COMP: variants seen among roughly 807,000 people sequenced by gnomAD.
COMP encodes the protein cartilage oligomeric matrix protein.
COMP carries 79 observed loss-of-function variants against 95.8 expected under a neutral mutation model. The observed-to-expected ratio is 0.82, with a 90% CI of 0.69 to 0.99. COMP has a LOEUF of 0.99. Among genes scored for constraint, COMP ranks in the 50% least tolerant of loss-of-function variants. COMP has a pLI of 0.00. For missense variants in COMP, 906 were observed against 1,076.1 expected (o/e 0.84, Z 2.21); for synonymous variants, 438 against 433.9 (o/e 1.01, Z -0.12).
Position 18,788,138 on chromosome 19 carries a change from G to A in COMP, c.975+74C>T. On this transcript the variant is annotated intron_variant, in intron 9 of 18. Transcript: ENST00000222271. This position sits in a 1 kb window ranked among gnomAD's most constrained non-coding sequence, Gnocchi z 4.7. ...AGGATGGTCTCCATCTCTTGACCTC[G>A]TGATCCGCCCGCCTCGGCCTCCCAA... 7.9e-7 allele frequency: 1 copy of A among 1,261,528 alleles called. No homozygotes were observed. The highest frequency in any genetic ancestry group is 1.2e-5 in the South Asian group (1 of 81,666). 78.1% of individuals were successfully genotyped at this position (1,261,528 alleles called of 1,614,324 possible).
chr19:18,789,370 C>T lies in COMP; in HGVS notation c.391-73G>A. ...CTGGGGGCCGCACCTCGTAGTGTCTCGGATGTGGAAAGTTCAAGGGCCATA... is the reference window on the plus strand; with the variant it reads ...CTGGGGGCCGCACCTCGTAGTGTCTTGGATGTGGAAAGTTCAAGGGCCATA... On this transcript the variant is annotated intron_variant, in intron 4 of 18. Coordinates refer to ENST00000222271, the MANE Select transcript of COMP (RefSeq NM_000095.3). The surrounding 1 kb of genome is among the most constrained non-coding windows in gnomAD (Gnocchi z 6.1). 7.2e-7 allele frequency: 1 copy of T among 1,381,100 alleles called. No individual in the cohort carries two copies. The highest frequency in any genetic ancestry group is 9.5e-7 in the Non-Finnish European group (1 of 1,052,634). The allele number at this position is 1,381,100 out of a possible 1,614,324, so 85.6% of individuals were successfully genotyped here. A position where few individuals can be genotyped will look rare whatever the true frequency, so the allele number is the denominator to read the frequency against.
chr19:18,788,959 C>T lies in COMP; in HGVS notation c.529-46G>A, dbSNP rs762046221. ...GGTCACCACCCCACGCAGACACCTC[C>T]GGACCTCCCACCTCCTCCACACTTC... On this transcript the variant is annotated intron_variant, in intron 5 of 18. Coordinates refer to ENST00000222271, the MANE Select transcript of COMP (RefSeq NM_000095.3). The surrounding 1 kb of genome is among the most constrained non-coding windows in gnomAD (Gnocchi z 4.7). The T allele has an allele frequency of 8.1e-6, 13 of 1,598,998 alleles. No homozygotes were observed. In the East Asian group the frequency reaches 2.9e-4, roughly 36 times the overall value.
chr19:18,782,840 C>G lies in COMP; in HGVS notation c.*75G>C. The G allele has an allele frequency of 6.4e-7, 1 of 1,559,336 alleles. No homozygotes were observed. On this transcript the variant is annotated 3_prime_UTR_variant, in exon 19 of 19. Transcript: ENST00000222271. ...CACTTCCCCCTCAGGACGGCCACCC[C>G]TTGGGGCTGGGTGCAGAGCCCCCAT...
chr19:18,783,514 G>C (rs2055141123), intron 17 of COMP, among the ~76,000 whole-genome samples: 1 of 152,196 alleles, frequency 6.6e-6, no homozygotes, highest in Non-Finnish European at 1.5e-5. Context: ...CCAGGCTGGA[G>C]TGCAGTGGTG....
chr19:18,787,715 TC>T (rs1162945590), intron 9 of COMP, 65 bp from the exon 10 acceptor site: 2 of 1,598,808 alleles, frequency 1.3e-6, no homozygotes, highest in Admixed American at 3.3e-5. Flanking sequence ...CTCCTCAGAT[TC>T]CCAAATCTCC....
At chr19:18,787,860 TTTTCTCTTTCTTTCTTTC>T (rs1568555720) in intron 9 of COMP, among the ~76,000 whole-genome samples, 1 of 63,278 alleles carries the variant, frequency 1.6e-5, no homozygotes, top group African/African-American at 9.5e-5. Flanking sequence ...TTCTTTTTCT[TTTTCTCTTTCTTTCTTTC>T]TTTCTTTCTT....
chr19:18,787,860 TTTTCTC>T (rs1197075313), intron 9 of COMP, among the ~76,000 whole-genome samples: 8 of 63,276 alleles, frequency 1.3e-4, no homozygotes, highest in Non-Finnish European at 1.9e-4. Context: ...TTCTTTTTCT[TTTTCTC>T]TTTCTTTCTT....
At position 18,790,073 on chromosome 19, in the gene COMP, GC is replaced by G; in HGVS notation, c.258del (p.Leu88CysfsTer158). The G allele has an allele frequency of 6.5e-7, 1 of 1,547,428 alleles. No individual in the cohort carries two copies. The highest frequency in any genetic ancestry group is 8.7e-7 in the Non-Finnish European group (1 of 1,150,808). On this transcript the variant is annotated frameshift_variant, in exon 4 of 19. Transcript: ENST00000222271. LOFTEE classifies it high-confidence loss of function. ...QSVRTGLPSV[R>X]PLLHCAPGFC... is the part of the protein sequence containing the mutation. ...AAGCCGGGCGCGCAGTGGAGCAGGG[GC>G]CGCACGCTGGGTAGGCCGGTGCGTA...
Position 18,788,333 on chromosome 19 carries a change from C to G in COMP, c.868-14G>C. The G allele has an allele frequency of 2.5e-6, 4 of 1,609,798 alleles. No individual in the cohort carries two copies. The highest frequency in any genetic ancestry group is 3.4e-6 in the Non-Finnish European group (4 of 1,179,528). On this transcript the variant is annotated splice_polypyrimidine_tract_variant and intron_variant, in intron 8 of 18. Transcript: ENST00000222271. The surrounding 1 kb of genome is among the most constrained non-coding windows in gnomAD (Gnocchi z 4.7). The stretch of plus-strand genomic sequence containing the variant: ...CACGCAGTTGTCCTGGGGGCGGGCA[C>G]AGAAGGTGTGAGGGGCGCGGTCATG...
chr19:18,786,228 G>C lies in COMP; in HGVS notation c.1307+11C>G. On this transcript the variant is annotated intron_variant, in intron 12 of 18. Transcript: ENST00000222271. ...GGCTACCCGGACGCCCACCCCAGGT[G>C]GCCTCCTTACTGGTCTTGATCGCTG... 6.2e-7 allele frequency: 1 copy of C among 1,614,166 alleles called. No individual in the cohort carries two copies. Among genetic ancestry groups the C allele is most frequent in the Non-Finnish European group, 8.5e-7 (1 of 1,180,046 alleles).
At chr19:18,790,160 G>A (rs1054769629) in intron 3 of COMP, 46 bp from the exon 4 acceptor site, 2 of 1,421,672 alleles carry the variant, frequency 1.4e-6, no homozygotes, top group African/African-American at 2.8e-5. Flanking sequence ...TCGGTGGCTC[G>A]CCCGGGGGCA....
chr19:18,790,515 C>T, intron 3 of COMP, 47 bp downstream of exon 3: 2 of 1,609,782 alleles, frequency 1.2e-6, no homozygotes, highest in Non-Finnish European at 1.7e-6. Flanking sequence ...GTCTCTGTGT[C>T]TCTGTCTCCC....
At chr19:18,787,356 G>A in intron 10 of COMP, 135 bp downstream of exon 10, 1 of 1,267,404 alleles carries the variant, frequency 7.9e-7, no homozygotes, top group Non-Finnish European at 1.1e-6. Flanking sequence ...GCCCCACCAT[G>A]GTCTTTGGTC....
At chr19:18,790,757 C>G in intron 2 of COMP, 93 bp downstream of exon 2, 1 of 1,599,728 alleles carries the variant, frequency 6.3e-7, no homozygotes, top group Admixed American at 1.7e-5. Context: ...CCCATCTCCT[C>G]TCCACCTTCT....
In COMP at chr19:18,788,909, C is replaced by G. The variant is rs1483868751; in HGVS notation, c.533G>C (p.Cys178Ser). The G allele has an allele frequency of 6.2e-7, 1 of 1,613,508 alleles. No individual in the cohort carries two copies. The highest frequency in any genetic ancestry group is 1.1e-5 in the South Asian group (1 of 90,948). Residue 178 changes from cysteine (C) to serine (S), a missense_variant, in exon 6 of 19, where the codon TGC becomes TCC. Transcript: ENST00000222271. The surrounding 1 kb of genome is among the most constrained non-coding windows in gnomAD (Gnocchi z 4.7). ...LAFAKANKQVCTDINECETGQ... is the reference protein window; with the variant it reads ...LAFAKANKQVSTDINECETGQ... ...GGTCTCACACTCGTTGATGTCCGTG[C>G]AAACCTAGGGGAGGGGAACTCAGAG...
Position 18,784,308 on chromosome 19 carries a change from G to C in COMP, c.1970C>G (p.Thr657Arg), listed in dbSNP as rs565963328. Residue 657 changes from threonine to arginine, a missense_variant, in exon 17 of 19, where the codon ACA (threonine) becomes AGA (arginine). By Grantham distance (71) the Thr-to-Arg change is moderately conservative. Transcript: ENST00000222271. This position sits in a 1 kb window ranked among gnomAD's most constrained non-coding sequence, Gnocchi z 4.9. Reference sequence around the variant, plus strand: ...CCGCACCTGGGACTCTGTGTCTCCTGTATGCCACAGAGCGTTCCGCAGCTG... The same window carrying C: ...CCGCACCTGGGACTCTGTGTCTCCTCTATGCCACAGAGCGTTCCGCAGCTG... ...GEQLRNALWH[T>R]GDTESQVRLL... 6.8e-6 allele frequency: 11 copies of C among 1,614,018 alleles called. No individual in the cohort carries two copies. Among genetic ancestry groups the C allele is most frequent in the Non-Finnish European group, 8.5e-6 (10 of 1,180,046 alleles).
At position 18,789,192 on chromosome 19, in the gene COMP, C is replaced by G; in HGVS notation, c.496G>C (p.Val166Leu). The stretch of plus-strand genomic sequence containing the variant: ...TTGGCCTTGGCGAAAGCCAGCCCCA[C>G]GCCCTGGTGGGTGGGGCCGCTGTAC... ...PGYSGPTHQGVGLAFAKANKQ... is the reference protein window; with the variant it reads ...PGYSGPTHQGLGLAFAKANKQ... The change falls in exon 5 of 19, where the codon GTG (valine) becomes CTG (leucine). Residue 166 changes from valine (V) to leucine (L), a missense_variant. By Grantham distance (32) the Val-to-Leu change is conservative. Transcript: ENST00000222271. This position sits in a 1 kb window ranked among gnomAD's most constrained non-coding sequence, Gnocchi z 6.1. 1 of 1,568,432 alleles carries G rather than the reference C, an allele frequency of 6.4e-7. No homozygotes were observed. The highest frequency in any genetic ancestry group is 8.6e-7 in the Non-Finnish European group (1 of 1,163,542).
At position 18,788,330 on chromosome 19, in the gene COMP, G is replaced by A. The variant is rs771019106; in HGVS notation, c.868-11C>T. ...AGTCACGCAGTTGTCCTGGGGGCGGGCACAGAAGGTGTGAGGGGCGCGGTC... is the reference window on the plus strand; with the variant it reads ...AGTCACGCAGTTGTCCTGGGGGCGGACACAGAAGGTGTGAGGGGCGCGGTC... On this transcript the variant is annotated splice_polypyrimidine_tract_variant and intron_variant, in intron 8 of 18. Coordinates refer to ENST00000222271, the MANE Select transcript of COMP (RefSeq NM_000095.3). This position sits in a 1 kb window ranked among gnomAD's most constrained non-coding sequence, Gnocchi z 4.7. 4 of 1,609,676 alleles carry A rather than the reference G, an allele frequency of 2.5e-6. No homozygotes were observed. The highest frequency in any genetic ancestry group is 1.7e-5 in the Admixed American group (1 of 60,008).
intron 15 of COMP, 86 bp downstream of exon 15, chr19:18,785,412 C>T: frequency 6.4e-7 from 1 of 1,566,568 alleles, no homozygotes; most frequent in South Asian, 1.1e-5. Context: ...CTGGCCCCGC[C>T]CATTCTCAGC....
Sources: gnomAD v4.1 joint callset for allele counts (sites outside exome capture counted in the v4.1 genomes callset) on GRCh38, gnomAD v4.1.1 for gene constraint, Gnocchi (gnomAD v3.1) non-coding constraint, MANE v1.5 for transcripts, NCBI Gene and HGNC (gene_info 2026-07-23, HGNC 2026-07-21) for gene names.